The following CAMK1 variants were observed in gnomAD, a reference collection of about 807,000 sequenced individuals.
CAMK1 encodes calcium/calmodulin dependent protein kinase I.
A neutral mutation model predicts 49.1 loss-of-function variants in CAMK1; 39 were observed. The observed-to-expected ratio is 0.79, with a 90% CI of 0.62 to 1.04. The LOEUF (loss-of-function observed/expected upper bound fraction) is 1.04, where lower values mean the gene tolerates loss of function less well. CAMK1 is among the 50% of genes least tolerant of loss of function. The pLI is 0.00. For missense variants in CAMK1, 457 were observed against 472.2 expected (o/e 0.97, Z 0.30); for synonymous variants, 192 against 185.2 (o/e 1.04, Z -0.30).
At chr3:9,768,413 T>G (rs531907119) in intron 1 of CAMK1, among the ~76,000 whole-genome samples, 1 of 152,328 alleles carries the variant, frequency 6.6e-6, no homozygotes, top group Non-Finnish European at 1.5e-5. Flanking sequence ...GCTCACTCTG[T>G]CCCTTCCTGG....
chr3:9,761,399 G>C, intron 7 of CAMK1, 62 bp downstream of exon 7: 4 of 1,534,330 alleles, frequency 2.6e-6, no homozygotes, highest in Non-Finnish European at 3.5e-6. Context: ...GGAAGGAAGA[G>C]AGGAAAGTAG....
At chr3:9,761,963 G>T in intron 5 of CAMK1, 1 of 636,038 alleles carries the variant, frequency 1.6e-6, no homozygotes, top group Non-Finnish European at 2.6e-6. Flanking sequence ...GGGGGGAACT[G>T]TCTCTAAACC....
chr3:9,762,178 A>C (rs1454935817), intron 5 of CAMK1: 2 of 164,594 alleles, frequency 1.2e-5, no homozygotes, highest in African/African-American at 4.8e-5. Context: ...GCAGAGCCAG[A>C]ATTCAAAACC....
chr3:9,765,512 ACAGTTAAACCCCTGTGACTAAGCACTGG>A (rs1280967178), intron 3 of CAMK1, among the ~76,000 whole-genome samples: 3 of 152,180 alleles, frequency 2.0e-5, no homozygotes, highest in African/African-American at 7.2e-5. Flanking sequence ...ACCTGATTGA[ACAGTTAAACCCCTGTGACTAAGCACTGG>A]CACCTCCATC....
At chr3:9,762,811 A>G in intron 5 of CAMK1, 103 bp downstream of exon 5, 2 of 1,130,220 alleles carry the variant, frequency 1.8e-6, no homozygotes, top group Non-Finnish European at 2.6e-6. Context: ...TGGAAATCCA[A>G]GGCTCAGTGA....
At chr3:9,760,594 C>CA in intron 8 of CAMK1, 62 bp downstream of exon 8, 1 of 1,572,028 alleles carries the variant, frequency 6.4e-7, no homozygotes, top group Non-Finnish European at 8.7e-7. Context: ...AGACCGCCCC[C>CA]AAAGCAGGTG....
At chr3:9,764,709 C>T (rs7652723) in intron 3 of CAMK1, among the ~76,000 whole-genome samples, 4 of 148,288 alleles carry the variant, frequency 2.7e-5, no homozygotes, top group East Asian at 4.1e-4. Flanking sequence ...CTCGGCTCAC[C>T]GCAACCTCCA....
At chr3:9,766,444 A>G in intron 2 of CAMK1, 1 of 430,526 alleles carries the variant, frequency 2.3e-6, no homozygotes, top group South Asian at 2.1e-5. Context: ...GAACTTTTTT[A>G]GAAATGCAAA....
At position 9,769,905 on chromosome 3, in the gene CAMK1, C is replaced by G. The variant is rs2078265150; in HGVS notation, c.-106G>C. On this transcript the variant is annotated 5_prime_UTR_variant, in exon 1 of 12. Transcript: ENST00000256460. ...CGCCGAGCTGTGGCCGCGGTCCTCA[C>G]CGCTGCGTGCCTGGGCCACCCGCCC... is the stretch of plus-strand genomic sequence containing the variant. 6.6e-6 allele frequency: 1 copy of G among 152,240 alleles called. No individual in the cohort carries two copies. The highest frequency in any genetic ancestry group is 6.5e-5 in the Admixed American group (1 of 15,288). The allele number at this position is 152,240 out of a possible 1,614,324, so 9.4% of individuals were successfully genotyped here. A position where few individuals can be genotyped will look rare whatever the true frequency, so the allele number is the denominator to read the frequency against.
At chr3:9,766,619 T>G in intron 2 of CAMK1, 1 of 1,042,554 alleles carries the variant, frequency 9.6e-7, no homozygotes, top group African/African-American at 1.7e-5. Context: ...AACAGGTTCT[T>G]AAAAAGGAAC....
At chr3:9,759,154 G>A (rs200785702) in intron 10 of CAMK1, 774 of 1,518,030 alleles carry the variant, frequency 5.1e-4, no homozygotes, top group Non-Finnish European at 6.3e-4. Context: ...ACATTATTCC[G>A]CTATGCCTCA....
chr3:9,767,246 A>G (rs1575264289), intron 2 of CAMK1, among the ~76,000 whole-genome samples: 1 of 152,254 alleles, frequency 6.6e-6, no homozygotes, highest in Middle Eastern at 3.4e-3. Context: ...GGAGCACAGC[A>G]CACACCCTGT....
intron 10 of CAMK1, 28 bp downstream of exon 10, chr3:9,759,460 G>T: frequency 6.2e-7 from 1 of 1,614,064 alleles, no homozygotes; most frequent in South Asian, 1.1e-5. Context: ...TGGGGAGGCT[G>T]GGACCAGAAC....
At chr3:9,759,635 A>G in intron 9 of CAMK1, 37 bp downstream of exon 9, 1 of 1,614,086 alleles carries the variant, frequency 6.2e-7, no homozygotes, top group South Asian at 1.1e-5. Context: ...GAGGGCCCCA[A>G]ATCCCGCCCC....
In CAMK1 at chr3:9,759,821, C is replaced by T. The variant is rs759511692; in HGVS notation, c.746-71G>A. 29 of 1,612,932 alleles carry T rather than the reference C, an allele frequency of 1.8e-5. No individual in the cohort carries two copies. The South Asian group carries it at 3.2e-4, about 18-fold the overall frequency. On this transcript the variant is annotated intron_variant, in intron 8 of 11. Coordinates refer to ENST00000256460, the MANE Select transcript of CAMK1 (RefSeq NM_003656.5). ...CCTGTGTACTCCCCAAGAGCATACC[C>T]ACTCCCTCAGGTCTGGCCTGGCATC...
Position 9,761,774 on chromosome 3 carries a change from G to A in CAMK1, c.430-17C>T. On this transcript the variant is annotated splice_polypyrimidine_tract_variant and intron_variant, in intron 5 of 11. Transcript: ENST00000256460. ...ATTCTCTGGCTTGAAGGGCAGGAGG[G>A]AAGAGAAGGGGCAATCAGAGATGGT... 1 of 1,613,798 alleles carries A rather than the reference G, an allele frequency of 6.2e-7. No homozygotes were observed. The highest frequency in any genetic ancestry group is 8.5e-7 in the Non-Finnish European group (1 of 1,179,892).
chr3:9,769,392 C>T (rs2078245396), intron 1 of CAMK1, among the ~76,000 whole-genome samples: 1 of 152,136 alleles, frequency 6.6e-6, no homozygotes, highest in South Asian at 2.1e-4. Flanking sequence ...ATTGTACACC[C>T]CCTCCTAACT....
intron 3 of CAMK1, among the ~76,000 whole-genome samples, chr3:9,764,611 GTTTTTGTTTTTTTTTTGT>G (rs1381153835): frequency 1.6e-5 from 2 of 125,150 alleles, no homozygotes; most frequent in South Asian, 2.8e-4. Flanking sequence ...TGCGCCTGGC[GTTTTTGTTTTTTTTTTGT>G]TTTTTTTTTT....
chr3:9,766,786 G>A, intron 2 of CAMK1: 1 of 256,254 alleles, frequency 3.9e-6, no homozygotes, highest in Non-Finnish European at 6.5e-6. Context: ...ATTAGTTACT[G>A]TAGTAACCTC....
Sources: allele counts gnomAD v4.1 joint callset (sites outside exome capture counted in the v4.1 genomes callset), GRCh38; gene constraint gnomAD v4.1.1; transcripts MANE v1.5; gene names NCBI Gene and HGNC (gene_info 2026-07-23, HGNC 2026-07-21).